CHST8: variants seen among roughly 807,000 people sequenced by gnomAD.
The protein encoded by CHST8 is carbohydrate sulfotransferase 8.
Under a neutral mutation model 15.0 loss-of-function variants are expected in CHST8, and 10 were observed. The observed-to-expected ratio is 0.67, with a 90% CI of 0.41 to 1.13. The LOEUF (loss-of-function observed/expected upper bound fraction) is 1.13, where lower values mean the gene tolerates loss of function less well. Ranked by LOEUF, CHST8 falls within the 50% of genes most tolerant of loss-of-function variation. The probability of loss-of-function intolerance (pLI) is 0.00; values close to 1 mark genes in which losing one functional copy is unlikely to be tolerated. For synonymous variants in CHST8, 259 were observed against 256.6 expected (o/e 1.01, Z -0.09); for missense variants, 634 against 608.2 (o/e 1.04, Z -0.45).
intron 3 of CHST8, among the ~76,000 whole-genome samples, chr19:33,701,249 C>T (rs949079817): frequency 2.6e-5 from 4 of 152,110 alleles, no homozygotes; most frequent in Non-Finnish European, 4.4e-5. Context: ...TACGTGGCCA[C>T]GATTTCCTGG....
At chr19:33,714,648 A>C (rs1973629687) in intron 3 of CHST8, among the ~76,000 whole-genome samples, 1 of 152,236 alleles carries the variant, frequency 6.6e-6, no homozygotes, top group Non-Finnish European at 1.5e-5. Context: ...AACTCCCACA[A>C]TTCCCACATG....
At chr19:33,708,417 A>T (rs929501969) in intron 3 of CHST8, among the ~76,000 whole-genome samples, 18 of 152,174 alleles carry the variant, frequency 1.2e-4, no homozygotes, top group Admixed American at 8.5e-4. Context: ...GTATTGTGTG[A>T]GGTCTGACTT....
chr19:33,712,715 G>A (rs369551609), intron 3 of CHST8, among the ~76,000 whole-genome samples: 26 of 152,274 alleles, frequency 1.7e-4, no homozygotes, highest in Admixed American at 3.3e-4. Context: ...GAGCCTAAGG[G>A]TGGGAGCACT....
chr19:33,751,724 G>A (rs56911564), intron 3 of CHST8, among the ~76,000 whole-genome samples: 11,792 of 152,342 alleles, frequency 0.077, 526 homozygotes, highest in Admixed American at 0.1. Context: ...CTGGGCAGCA[G>A]TGTGGATGAG....
intron 1 of CHST8, among the ~76,000 whole-genome samples, chr19:33,661,397 C>T (rs1478534739): frequency 5.3e-5 from 8 of 152,238 alleles, no homozygotes; most frequent in Non-Finnish European, 1.2e-4. Flanking sequence ...CTCATGTATG[C>T]GACCCAGTGG....
rs148364018 is a variant in CHST8 at position 33,696,411 on chromosome 19, TC to T, written c.130+7021del. 4.6e-3 allele frequency among the ~76,000 whole-genome samples: 705 copies of T among 152,116 alleles called. 4 individuals are homozygous for T. Among genetic ancestry groups the T allele is most frequent in the South Asian group, 0.012 (57 of 4,806 alleles). The stretch of plus-strand genomic sequence containing the variant: ...AAGCTGAGCTCGGCCTACTGTCAGA[TC>T]GGTGGCCACATTAGAGTCCAGAAGA... On this transcript the variant is annotated intron_variant, in intron 3 of 4. Transcript: ENST00000650847.
intron 3 of CHST8, among the ~76,000 whole-genome samples, chr19:33,734,932 G>A (rs904059336): frequency 2.0e-5 from 3 of 152,206 alleles, no homozygotes; most frequent in African/African-American, 7.2e-5. Flanking sequence ...TGAACAGAGG[G>A]TAAACGGGAT....
intron 3 of CHST8, among the ~76,000 whole-genome samples, chr19:33,736,514 G>T (rs1002670418): frequency 1.3e-5 from 2 of 152,126 alleles, no homozygotes; most frequent in African/African-American, 4.8e-5. Flanking sequence ...GCACTCTCTG[G>T]TGTCTGCCCA....
At chr19:33,636,984 T>C (rs1972212520) in intron 1 of CHST8, among the ~76,000 whole-genome samples, 1 of 152,228 alleles carries the variant, frequency 6.6e-6, no homozygotes, top group Non-Finnish European at 1.5e-5. Flanking sequence ...TGCCCATTTT[T>C]ATGGTTATTT....
chr19:33,766,738 G>A (rs1028795592), intron 3 of CHST8, among the ~76,000 whole-genome samples: 4 of 152,192 alleles, frequency 2.6e-5, no homozygotes, highest in African/African-American at 4.8e-5. Context: ...ACCCCCAGTC[G>A]GGCCAGCCTG....
chr19:33,676,178 A>G (rs1012135919), intron 2 of CHST8, among the ~76,000 whole-genome samples: 3 of 152,224 alleles, frequency 2.0e-5, no homozygotes, highest in African/African-American at 7.2e-5. Flanking sequence ...TTGCTTGCCA[A>G]TTTCAGAATC....
At chr19:33,719,746 CA>C (rs36093900) in intron 3 of CHST8, among the ~76,000 whole-genome samples, 89,705 of 143,548 alleles carry the variant, frequency 0.62, 27,676 homozygotes, top group East Asian at 0.86. Flanking sequence ...CTGTGAGTTA[CA>C]AAAAAAAAAA....
At chr19:33,693,069 C>G (rs544726666) in intron 3 of CHST8, among the ~76,000 whole-genome samples, 2 of 149,242 alleles carry the variant, frequency 1.3e-5, no homozygotes, top group South Asian at 4.2e-4. Context: ...TGCAATGGTG[C>G]GATCTCAGCC....
At chr19:33,758,250 T>C (rs1974645546) in intron 3 of CHST8, among the ~76,000 whole-genome samples, 1 of 152,020 alleles carries the variant, frequency 6.6e-6, no homozygotes, top group Non-Finnish European at 1.5e-5. Context: ...GGCCTGGAAC[T>C]GTAGCTGCCC....
At chr19:33,740,289 G>C (rs190698169) in intron 3 of CHST8, among the ~76,000 whole-genome samples, 1 of 152,146 alleles carries the variant, frequency 6.6e-6, no homozygotes, top group South Asian at 2.1e-4. Flanking sequence ...CTTCAGTGAC[G>C]CCCAGGGACC....
At chr19:33,689,854 T>C (rs973260629) in intron 3 of CHST8, among the ~76,000 whole-genome samples, 9 of 152,004 alleles carry the variant, frequency 5.9e-5, no homozygotes, top group African/African-American at 2.2e-4. Flanking sequence ...CCTCCTGGTT[T>C]AGTGAGGCCA....
At chr19:33,708,271 A>T (rs1247665669) in intron 3 of CHST8, among the ~76,000 whole-genome samples, 1 of 152,106 alleles carries the variant, frequency 6.6e-6, no homozygotes, top group African/African-American at 2.4e-5. Context: ...TCGTTGATGG[A>T]TTATGCTTTT....
intron 3 of CHST8, among the ~76,000 whole-genome samples, chr19:33,754,117 C>T (rs1478530114): frequency 8.0e-6 from 1 of 125,500 alleles, no homozygotes; most frequent in African/African-American, 3.2e-5. Context: ...TCCCCACTAC[C>T]CTCTGTGTAC....
intron 3 of CHST8, among the ~76,000 whole-genome samples, chr19:33,748,984 C>A (rs916390263): frequency 6.6e-6 from 1 of 152,152 alleles, no homozygotes; most frequent in African/African-American, 2.4e-5. Context: ...GCGCACACCC[C>A]TGAGGGCATC....
Sources: gnomAD v4.1 joint callset for allele counts (sites outside exome capture counted in the v4.1 genomes callset) on GRCh38, gnomAD v4.1.1 for gene constraint, MANE v1.5 for transcripts, NCBI Gene and HGNC (gene_info 2026-07-23, HGNC 2026-07-21) for gene names.